Variants in EP300 observed in about 807,000 individuals in gnomAD.
The protein encoded by EP300 is EP300 lysine acetyltransferase.
Under a neutral mutation model 264.0 loss-of-function variants are expected in EP300, and 31 were observed. The ratio of observed to expected loss-of-function variants is 0.12; its 90% CI spans 0.09 to 0.16. The LOEUF (loss-of-function observed/expected upper bound fraction) is 0.16, where lower values mean the gene tolerates loss of function less well. Ranked by LOEUF, EP300 falls within the 10% of genes least tolerant of loss-of-function variation. The probability of loss-of-function intolerance (pLI) is 1.00; values close to 1 mark genes in which losing one functional copy is unlikely to be tolerated. For missense variants in EP300, 2,766 were observed against 3,052.9 expected (o/e 0.91, Z 2.21); for synonymous variants, 1,340 against 1,045.4 (o/e 1.28, Z -5.44).
intron 8 of EP300, among the ~76,000 whole-genome samples, chr22:41,139,346 C>T (rs552713280): frequency 2.0e-5 from 3 of 152,198 alleles, no homozygotes; most frequent in African/African-American, 2.4e-5. Flanking sequence ...TAAAGAATAA[C>T]CGATCTCTTA....
intron 1 of EP300, among the ~76,000 whole-genome samples, chr22:41,095,213 C>G (rs2058695446): frequency 7.0e-6 from 1 of 143,174 alleles, no homozygotes; most frequent in Admixed American, 7.1e-5. Flanking sequence ...TAACTTACTT[C>G]AAGTTGGGTA....
chr22:41,098,527 A>G (rs1315407628), intron 1 of EP300, among the ~76,000 whole-genome samples: 1 of 152,024 alleles, frequency 6.6e-6, no homozygotes, highest in Non-Finnish European at 1.5e-5. Flanking sequence ...GCCCGCCACC[A>G]CACCCGGCTA....
At chr22:41,103,973 C>G (rs568501258) in intron 1 of EP300, among the ~76,000 whole-genome samples, 2 of 152,130 alleles carry the variant, frequency 1.3e-5, no homozygotes, top group East Asian at 3.9e-4. Context: ...AAGATCCATG[C>G]TTGGTTTGCC....
At position 41,151,964 on chromosome 22, in the gene EP300, A is replaced by G; in HGVS notation, c.2949A>G (p.Glu983=). ...SQEVKMEAKM[E]VDQPEPADTQ... ...AAGTGAAGATGGAGGCCAAAATGGAAGTGGATCAACCAGAACCAGCAGATA... is the reference window on the plus strand; with the variant it reads ...AAGTGAAGATGGAGGCCAAAATGGAGGTGGATCAACCAGAACCAGCAGATA... Residue 983 remains glutamate, a synonymous_variant, in exon 15 of 31, where the codon GAA becomes GAG. Coordinates refer to ENST00000263253, the MANE Select transcript of EP300 (RefSeq NM_001429.4). 6.2e-7 allele frequency: 1 copy of G among 1,614,218 alleles called. No homozygotes were observed. Among genetic ancestry groups the G allele is most frequent in the Non-Finnish European group, 8.5e-7 (1 of 1,180,046 alleles).
intron 23 of EP300, among the ~76,000 whole-genome samples, chr22:41,166,889 C>T (rs187650614): frequency 3.0e-4 from 46 of 151,974 alleles, no homozygotes; most frequent in Non-Finnish European, 5.9e-4. Flanking sequence ...GCACAAGATA[C>T]GTGTTTTTCC....
intron 1 of EP300, among the ~76,000 whole-genome samples, chr22:41,108,421 G>A (rs9623324): frequency 0.018 from 2,686 of 151,578 alleles, 74 homozygotes; most frequent in African/African-American, 0.062. Flanking sequence ...GCTAATTTTC[G>A]TATTTTTTTG....
At chr22:41,167,360 A>G (rs978820799) in intron 23 of EP300, among the ~76,000 whole-genome samples, 1 of 151,996 alleles carries the variant, frequency 6.6e-6, no homozygotes. Flanking sequence ...CTACTGTGCC[A>G]GGAGGATGTC....
Position 41,160,738 on chromosome 22 carries a change from A to C in EP300, c.3671+16A>C. ...AGCCTCAAACGTAAGTAACTGCATT[A>C]TTTTGAAAAGTGCTAATTAGTTTGT... is the stretch of plus-strand genomic sequence containing the variant. On this transcript the variant is annotated intron_variant, in intron 20 of 30. Transcript: ENST00000263253. 1.2e-6 allele frequency: 2 copies of C among 1,611,096 alleles called. No homozygotes were observed. Among genetic ancestry groups the C allele is most frequent in the East Asian group, 2.2e-5 (1 of 44,868 alleles).
In EP300 at chr22:41,104,729, A is replaced by G. The variant is rs534419174; in HGVS notation, c.94+11631A>G. Among the ~76,000 whole-genome samples the G allele has an allele frequency of 4.1e-4, 62 of 152,306 alleles. 1 individual carries two copies. The highest frequency in any genetic ancestry group is 2.9e-3 in the South Asian group (14 of 4,828). On this transcript the variant is annotated intron_variant, in intron 1 of 30. Transcript: ENST00000263253. ...AAAGCACTTCACCTCTTTAAAATTC[A>G]AGACTTAAGGCTGGGCGCAGTGGCC...
In EP300 at chr22:41,137,878, A is replaced by G. The variant is rs544132034; in HGVS notation, c.1760+88A>G. 5.7e-6 allele frequency: 9 copies of G among 1,570,004 alleles called. No individual in the cohort carries two copies. The South Asian group carries it at 6.7e-5, about 12-fold the overall frequency. On this transcript the variant is annotated intron_variant, in intron 8 of 30. Coordinates refer to ENST00000263253, the MANE Select transcript of EP300 (RefSeq NM_001429.4). ...TCCTGGGCATTTAATTACTAAAGGA[A>G]TATTAGCAATTTTTCTGTAGCATGG...
chr22:41,178,585 C>G lies in EP300; in HGVS notation c.6874C>G (p.Pro2292Ala), dbSNP rs751592464. 204 of 1,614,040 alleles carry G rather than the reference C, an allele frequency of 1.3e-4. 3 individuals carry two copies. The South Asian group carries it at 1.8e-3, about 15-fold the overall frequency. Residue 2292 changes from proline (P) to alanine (A), a missense_variant, in exon 31 of 31, where the codon CCA becomes GCA. By Grantham distance (27) the Pro-to-Ala change is conservative (BLOSUM62 -1). Coordinates refer to ENST00000263253, the MANE Select transcript of EP300 (RefSeq NM_001429.4). ...TATGCTCCCAAATCAGGCCCAGTCCCCACACCTACAAGGCCAGCAGATCCC... is the reference window on the plus strand; with the variant it reads ...TATGCTCCCAAATCAGGCCCAGTCCGCACACCTACAAGGCCAGCAGATCCC... Reference protein sequence around the residue: ...QHMLPNQAQSPHLQGQQIPNS... With the variant: ...QHMLPNQAQSAHLQGQQIPNS...
chr22:41,137,917 T>C, intron 8 of EP300, 127 bp downstream of exon 8: 3 of 1,271,490 alleles, frequency 2.4e-6, no homozygotes, highest in Non-Finnish European at 2.2e-6. Flanking sequence ...TTGATGTTGA[T>C]ACTTCTACTC....
chr22:41,117,542 A>G lies in EP300; in HGVS notation c.450A>G (p.Ser150=). The G allele has an allele frequency of 6.2e-7, 1 of 1,614,278 alleles. No homozygotes were observed. Among genetic ancestry groups the G allele is most frequent in the Non-Finnish European group, 8.5e-7 (1 of 1,180,052 alleles). Residue 150 remains serine, a synonymous_variant, in exon 2 of 31, where the codon TCA becomes TCG. Coordinates refer to ENST00000263253, the MANE Select transcript of EP300 (RefSeq NM_001429.4). ...GACCAAATCAGGGTCCTACGCAGTC[A>G]ACAGGTATGATGAACAGTCCAGTAA... is the stretch of plus-strand genomic sequence containing the variant. The part of the protein sequence containing the change: ...TSGPNQGPTQ[S]TGMMNSPVNQ...
chr22:41,121,305 A>C (rs2058850990), intron 2 of EP300, among the ~76,000 whole-genome samples: 1 of 152,178 alleles, frequency 6.6e-6, no homozygotes, highest in African/African-American at 2.4e-5. Context: ...GGAGCATATT[A>C]GCTATGGAGA....
intron 2 of EP300, among the ~76,000 whole-genome samples, chr22:41,118,049 C>T (rs2058831389): frequency 6.6e-6 from 1 of 152,204 alleles, no homozygotes; most frequent in South Asian, 2.1e-4. Context: ...TGCTGGTTCT[C>T]TCTGGCACAA....
Position 41,170,396 on chromosome 22 carries a change from G to C in EP300, c.4287-10G>C, listed in dbSNP as rs1569117363. On this transcript the variant is annotated splice_polypyrimidine_tract_variant and intron_variant, in intron 26 of 30. Transcript: ENST00000263253. ...CTTTTCCTTAATGTTCTTTCTCTTTGTATTGTTAGTTACACAACAGGGCAT... is the reference window on the plus strand; with the variant it reads ...CTTTTCCTTAATGTTCTTTCTCTTTCTATTGTTAGTTACACAACAGGGCAT... The C allele has an allele frequency of 1.9e-6, 3 of 1,611,186 alleles. No homozygotes were observed. Among genetic ancestry groups the C allele is most frequent in the Non-Finnish European group, 2.5e-6 (3 of 1,177,638 alleles).
chr22:41,098,960 T>TA (rs1226096802), intron 1 of EP300, among the ~76,000 whole-genome samples: 3 of 152,154 alleles, frequency 2.0e-5, no homozygotes, highest in African/African-American at 7.2e-5. Context: ...ATCAGATGCT[T>TA]AGGACTATGC....
chr22:41,112,395 C>T (rs762102115), intron 1 of EP300, among the ~76,000 whole-genome samples: 7 of 151,244 alleles, frequency 4.6e-5, no homozygotes, highest in South Asian at 2.1e-4. Context: ...GATGTGGTTT[C>T]GCTATATTGG....
Position 41,178,873 on chromosome 22 carries a change from G to A in EP300, c.7162G>A (p.Ala2388Thr), listed in dbSNP as rs2145524460. 2 of 1,614,186 alleles carry A rather than the reference G, an allele frequency of 1.2e-6. No individual in the cohort carries two copies. Among genetic ancestry groups the A allele is most frequent in the Non-Finnish European group, 1.7e-6 (2 of 1,180,036 alleles). ...TCCAGGCATGGCAAACCTCCATGGT[G>A]CAAGCGCCACGGACCTGGGACTCAG... ...SNPGMANLHG[A>T]SATDLGLSTD... The change falls in exon 31 of 31, where the codon GCA (alanine) becomes ACA (threonine). Residue 2388 changes from alanine (A) to threonine (T), a missense_variant. Ala to Thr is a moderately conservative substitution (Grantham distance 58). Coordinates refer to ENST00000263253, the MANE Select transcript of EP300 (RefSeq NM_001429.4).
Sources: allele counts gnomAD v4.1 joint callset (sites outside exome capture counted in the v4.1 genomes callset), GRCh38; gene constraint gnomAD v4.1.1; transcripts MANE v1.5; gene names NCBI Gene and HGNC (gene_info 2026-07-23, HGNC 2026-07-21).